Variants in PUDP observed in about 807,000 individuals in gnomAD.
PUDP encodes the protein pseudouridine 5'-phosphatase.
PUDP carries 8 observed loss-of-function variants against 9.4 expected under a neutral mutation model. The ratio of observed to expected loss-of-function variants is 0.85; its 90% CI spans 0.50 to 1.53. The LOEUF (loss-of-function observed/expected upper bound fraction) is 1.53. PUDP is among the 40% of genes most tolerant of loss of function. The probability of loss-of-function intolerance (pLI) is 0.00; values close to 1 mark genes in which losing one functional copy is unlikely to be tolerated. For synonymous variants in PUDP, 99 were observed against 80.7 expected (o/e 1.23, Z -1.22); for missense variants, 188 against 189.7 (o/e 0.99, Z 0.05).
chrX:7,066,266 C>T (rs964406360), intron 3 of PUDP, among the ~76,000 whole-genome samples: 1 of 111,733 alleles, frequency 8.9e-6, no homozygotes, highest in Non-Finnish European at 1.9e-5. Context: ...GCTACTAGTT[C>T]TTTTAAAAAG....
intron 3 of PUDP, among the ~76,000 whole-genome samples, chrX:6,729,189 C>T (rs1924779973): frequency 8.9e-6 from 1 of 111,782 alleles, no homozygotes; most frequent in Admixed American, 9.5e-5. Flanking sequence ...GGCCAAACTG[C>T]CTCCCATTCT....
intron 1 of PUDP, among the ~76,000 whole-genome samples, chrX:7,131,170 G>A (rs1932611195): frequency 9.0e-6 from 1 of 111,253 alleles, no homozygotes; most frequent in Non-Finnish European, 1.9e-5. Context: ...TCGACTTCAG[G>A]ACAAGTCACT....
At chrX:6,839,413 C>G (rs1049249899) in intron 3 of PUDP, among the ~76,000 whole-genome samples, 10 of 111,186 alleles carry the variant, frequency 9.0e-5, no homozygotes, top group African/African-American at 3.3e-4. Flanking sequence ...AAAAGAGGAG[C>G]AGTCGTTAGA....
chrX:6,916,225 CACACACACACACACACACACA>C (rs1569122720), intron 3 of PUDP, among the ~76,000 whole-genome samples: 112 of 105,031 alleles, frequency 1.1e-3, no homozygotes, highest in African/African-American at 3.6e-3. Flanking sequence ...CACACACACA[CACACACACACACACACACACA>C]CACCCTGGGG....
chrX:6,989,038 T>C (rs1929141117), intron 1 of PUDP, among the ~76,000 whole-genome samples: 1 of 111,698 alleles, frequency 9.0e-6, no homozygotes, highest in Admixed American at 9.5e-5. Context: ...AAATATCAAC[T>C]GGAATGTCGC....
At chrX:7,106,443 G>A (rs1931885525) in intron 1 of PUDP, among the ~76,000 whole-genome samples, 1 of 112,500 alleles carries the variant, frequency 8.9e-6, no homozygotes, top group Non-Finnish European at 1.9e-5. Context: ...GAGCCTGCAG[G>A]TGCCTGCTTT....
intron 1 of PUDP, among the ~76,000 whole-genome samples, chrX:7,007,557 GTCTACTCAGTTATA>G (rs1929418620): frequency 8.9e-6 from 1 of 112,491 alleles, no homozygotes; most frequent in Admixed American, 9.4e-5. Context: ...AACTCCCTTT[GTCTACTCAGTTATA>G]TTGAGCAATG....
Position 6,717,268 on chromosome X carries a change from T to C in PUDP, n.128+4149A>G, listed in dbSNP as rs759834126. Among the ~76,000 whole-genome samples, 4 of 111,442 alleles carry C rather than the reference T, an allele frequency of 3.6e-5. No homozygotes were observed. In the South Asian group the frequency reaches 1.5e-3, roughly 43 times the overall value. On this transcript the variant is annotated intron_variant and non_coding_transcript_variant, in intron 1 of 2. Coordinates refer to the PUDP transcript ENST00000438499. ...CACCTGGGGCACTTTTTCAGAATGA[T>C]ACCCTTGGGTTGCTGGAGCGATTGC...
At chrX:7,084,713 T>C (rs1168462700) in intron 2 of PUDP, 3 of 110,844 alleles carry the variant, frequency 2.7e-5, no homozygotes, top group African/African-American at 1.0e-4. Context: ...CATTTGGCTA[T>C]GTGAAAATCA....
chrX:6,839,668 C>A (rs72609553), intron 3 of PUDP, among the ~76,000 whole-genome samples: 9,972 of 111,074 alleles, frequency 0.09, 574 homozygotes, highest in East Asian at 0.46. Context: ...CAACGAGAGA[C>A]CACCACACAC....
chrX:6,776,184 T>G (rs891291542), intron 3 of PUDP, among the ~76,000 whole-genome samples: 1 of 111,164 alleles, frequency 9.0e-6, no homozygotes, highest in Non-Finnish European at 1.9e-5. Context: ...ATGTATTTAA[T>G]TCAATGGGGT....
intron 1 of PUDP, among the ~76,000 whole-genome samples, chrX:6,713,238 A>G (rs7056328): frequency 0.2 from 21,861 of 111,107 alleles, 3,272 homozygotes; most frequent in African/African-American, 0.51. Context: ...GTTTTTTTCC[A>G]TTTGAAGCAC....
At chrX:6,890,061 G>C (rs1352872952) in intron 3 of PUDP, among the ~76,000 whole-genome samples, 1 of 111,638 alleles carries the variant, frequency 9.0e-6, no homozygotes, top group Non-Finnish European at 1.9e-5. Context: ...TGGTTAATCA[G>C]TGCTGGAAAC....
intron 3 of PUDP, among the ~76,000 whole-genome samples, chrX:6,900,837 G>T (rs1315397142): frequency 9.2e-6 from 1 of 108,478 alleles, no homozygotes; most frequent in Non-Finnish European, 1.9e-5. Context: ...GAGTGCAGTG[G>T]TGCGATCTCA....
At chrX:6,854,338 A>C (rs2061298913) in intron 3 of PUDP, among the ~76,000 whole-genome samples, 1 of 112,175 alleles carries the variant, frequency 8.9e-6, no homozygotes, top group African/African-American at 3.2e-5. Context: ...AAAAGAAAAA[A>C]AATCTGCTAG....
intron 3 of PUDP, among the ~76,000 whole-genome samples, chrX:6,949,591 T>G (rs1339739551): frequency 8.9e-6 from 1 of 112,694 alleles, no homozygotes; most frequent in African/African-American, 3.2e-5. Flanking sequence ...TGCAGATAAC[T>G]CTATTAAATA....
intron 3 of PUDP, among the ~76,000 whole-genome samples, chrX:6,924,960 GA>G (rs1458848908): frequency 2.7e-5 from 3 of 111,974 alleles, no homozygotes; most frequent in African/African-American, 9.7e-5. Flanking sequence ...GTGTGAGCAT[GA>G]GACCAGCTGG....
At chrX:6,887,655 A>T (rs1405225732) in intron 3 of PUDP, among the ~76,000 whole-genome samples, 2 of 111,924 alleles carry the variant, frequency 1.8e-5, no homozygotes, top group African/African-American at 6.5e-5. Context: ...TAAGGGACAG[A>T]TTCATTACAA....
At chrX:6,808,648 A>T (rs1602628509) in intron 3 of PUDP, among the ~76,000 whole-genome samples, 2 of 111,957 alleles carry the variant, frequency 1.8e-5, no homozygotes, top group Middle Eastern at 9.2e-3. Flanking sequence ...AAGCAGGTTT[A>T]CGTTCATTAT....
Sources: gnomAD v4.1 joint callset for allele counts (sites outside exome capture counted in the v4.1 genomes callset) on GRCh38, gnomAD v4.1.1 for gene constraint, MANE v1.5 for transcripts, NCBI Gene and HGNC (gene_info 2026-07-23, HGNC 2026-07-21) for gene names.